Variants in TBC1D19 observed in about 807,000 individuals in gnomAD.
The protein encoded by TBC1D19 is TBC1 domain family, member 19.
Under a neutral mutation model 89.0 loss-of-function variants are expected in TBC1D19, and 60 were observed. The ratio of observed to expected loss-of-function variants is 0.67; its 90% CI spans 0.55 to 0.84. The LOEUF (loss-of-function observed/expected upper bound fraction) is 0.84, where lower values mean the gene tolerates loss of function less well. Among genes scored for constraint, TBC1D19 ranks in the 40% least tolerant of loss-of-function variants. TBC1D19 has a pLI of 0.00. For missense variants in TBC1D19, 500 were observed against 610.8 expected, an observed-to-expected ratio of 0.82 and a Z score of 1.91; for synonymous variants, 189 against 199.7, an observed-to-expected ratio of 0.95 and a Z score of 0.45.
intron 4 of TBC1D19, among the ~76,000 whole-genome samples, chr4:26,633,537 C>A (rs560305208): frequency 6.6e-6 from 1 of 152,206 alleles, no homozygotes. Flanking sequence ...AAAAGCCTGG[C>A]AATTGGTGTT....
chr4:26,645,223 C>T (rs1290697568), intron 7 of TBC1D19, among the ~76,000 whole-genome samples: 2 of 152,158 alleles, frequency 1.3e-5, no homozygotes, highest in African/African-American at 4.8e-5. Flanking sequence ...AAGAACAAAG[C>T]TGGAGGCATC....
At chr4:26,613,077 AT>A in intron 1 of TBC1D19, 91 bp from the exon 2 acceptor site, 2 of 944,778 alleles carry the variant, frequency 2.1e-6, no homozygotes, top group Non-Finnish European at 3.1e-6. Context: ...CTTTTTAAAC[AT>A]TTCCTTTGTT....
At chr4:26,820,652 T>G in the TBC1D19 span, among the ~76,000 whole-genome samples, 4 of 152,174 alleles carry the variant, frequency 2.6e-5, no homozygotes, top group African/African-American at 9.7e-5. Flanking sequence ...AGTGCAGATA[T>G]CTCTTTGACA....
At chr4:26,705,027 A>G (rs1186999687) in intron 13 of TBC1D19, among the ~76,000 whole-genome samples, 1 of 151,244 alleles carries the variant, frequency 6.6e-6, no homozygotes, top group Non-Finnish European at 1.5e-5. Flanking sequence ...AATGATATTG[A>G]GCATCTTTTC....
intron 9 of TBC1D19, among the ~76,000 whole-genome samples, chr4:26,670,740 C>G (rs1712225925): frequency 6.6e-6 from 1 of 151,562 alleles, no homozygotes; most frequent in Non-Finnish European, 1.5e-5. Context: ...CTGTCACTCT[C>G]ATGGGTAAAA....
chr4:26,804,838 A>T, the TBC1D19 span, among the ~76,000 whole-genome samples: 1 of 152,268 alleles, frequency 6.6e-6, no homozygotes, highest in East Asian at 1.9e-4. Context: ...GAAAGGTTGA[A>T]GAGGGAAAAT....
At chr4:26,689,281 A>T (rs370795365) in intron 13 of TBC1D19, among the ~76,000 whole-genome samples, 284 of 152,240 alleles carry the variant, frequency 1.9e-3, no homozygotes, top group African/African-American at 6.5e-3. Context: ...CATAATTAAA[A>T]TTTTTTGTTT....
At chr4:26,789,150 T>C in the TBC1D19 span, among the ~76,000 whole-genome samples, 1 of 152,246 alleles carries the variant, frequency 6.6e-6, no homozygotes, top group Non-Finnish European at 1.5e-5. Flanking sequence ...AATTTAACTT[T>C]GAGCAAGTTT....
At chr4:26,852,986 G>T in the TBC1D19 span, among the ~76,000 whole-genome samples, 5 of 152,270 alleles carry the variant, frequency 3.3e-5, no homozygotes, top group Admixed American at 3.3e-4. Flanking sequence ...CTCTTGTCTG[G>T]ACTGTGCAGC....
chr4:26,644,008 G>T (rs551708636), intron 7 of TBC1D19, among the ~76,000 whole-genome samples: 2 of 152,216 alleles, frequency 1.3e-5, no homozygotes, highest in African/African-American at 4.8e-5. Context: ...AAGAGGAGCT[G>T]GTACCATTCC....
chr4:26,766,297 C>T, the TBC1D19 span, among the ~76,000 whole-genome samples: 1 of 152,162 alleles, frequency 6.6e-6, no homozygotes. Context: ...TGGCCAAATA[C>T]AGAAATGTTG....
the TBC1D19 span, among the ~76,000 whole-genome samples, chr4:26,819,403 G>C: frequency 6.6e-6 from 1 of 152,200 alleles, no homozygotes; most frequent in African/African-American, 2.4e-5. Context: ...TCAACAGAGA[G>C]GGGAATGGTG....
chr4:26,740,210 T>G (rs1256285772), intron 17 of TBC1D19, among the ~76,000 whole-genome samples: 5 of 152,198 alleles, frequency 3.3e-5, no homozygotes, highest in Admixed American at 3.3e-4. Context: ...TTTTTTCTTT[T>G]ACATATTAAA....
chr4:26,820,416 A>G, the TBC1D19 span, among the ~76,000 whole-genome samples: 1 of 152,134 alleles, frequency 6.6e-6, no homozygotes, highest in Non-Finnish European at 1.5e-5. Flanking sequence ...ACTTTTCTAG[A>G]GTCCACATGT....
intron 7 of TBC1D19, among the ~76,000 whole-genome samples, chr4:26,640,711 C>T (rs1043684112): frequency 3.3e-5 from 5 of 152,170 alleles, no homozygotes; most frequent in South Asian, 2.1e-4. Context: ...CTAAACACTG[C>T]GATTTTCCAA....
Position 26,584,146 on chromosome 4 carries a change from C to G in TBC1D19, c.-48C>G. 1 of 1,581,620 alleles carries G rather than the reference C, an allele frequency of 6.3e-7. No individual in the cohort carries two copies. Among genetic ancestry groups the G allele is most frequent in the Non-Finnish European group, 8.6e-7 (1 of 1,162,470 alleles). On this transcript the variant is annotated 5_prime_UTR_variant, in exon 1 of 21. Coordinates refer to ENST00000264866, the MANE Select transcript of TBC1D19 (RefSeq NM_018317.4). ...AGTGGGACCCGGTAGCCCGTTCGCT[C>G]CGCGCCGGCGGCCTGTCCCCGCGGC...
the TBC1D19 span, among the ~76,000 whole-genome samples, chr4:26,856,807 A>G: frequency 6.6e-6 from 1 of 152,324 alleles, no homozygotes; most frequent in South Asian, 2.1e-4. Flanking sequence ...TAACACCTCA[A>G]ATTAAGCAGT....
intron 8 of TBC1D19, among the ~76,000 whole-genome samples, chr4:26,665,919 G>T (rs1480382248): frequency 6.6e-6 from 1 of 151,878 alleles, no homozygotes; most frequent in Non-Finnish European, 1.5e-5. Flanking sequence ...TTAAACAATG[G>T]CAGCACTCAT....
intron 9 of TBC1D19, 114 bp downstream of exon 9, chr4:26,666,519 C>G: frequency 1.3e-6 from 1 of 762,614 alleles, no homozygotes; most frequent in Middle Eastern, 3.3e-4. Flanking sequence ...ACTAAGCATG[C>G]TTTTGCCTCT....
Sources: allele counts gnomAD v4.1 joint callset (sites outside exome capture counted in the v4.1 genomes callset), GRCh38; gene constraint gnomAD v4.1.1; transcripts MANE v1.5; gene names NCBI Gene and HGNC (gene_info 2026-07-23, HGNC 2026-07-21).